The following SRRM4 variants were observed in gnomAD, a reference collection of about 807,000 sequenced individuals.
The protein encoded by SRRM4 is serine/arginine repetitive matrix protein 4.
SRRM4 carries 33 observed loss-of-function variants against 68.9 expected under a neutral mutation model. The observed-to-expected ratio is 0.48, with a 90% confidence interval of 0.36 to 0.64. The LOEUF is 0.64. Among genes scored for constraint, SRRM4 ranks in the 30% least tolerant of loss-of-function variants. The probability of loss-of-function intolerance (pLI) is 0.00; values close to 1 mark genes in which losing one functional copy is unlikely to be tolerated. For missense variants in SRRM4, 817 were observed against 827.1 expected (o/e 0.99, Z 0.15); for synonymous variants, 318 against 318.8 (o/e 1.00, Z 0.03).
At chr12:119,143,563 T>C (rs1221996385) in intron 8 of SRRM4, among the ~76,000 whole-genome samples, 2 of 152,086 alleles carry the variant, frequency 1.3e-5, no homozygotes, top group Non-Finnish European at 2.9e-5. Flanking sequence ...GGCGGGAGAA[T>C]CTGGCCCTGG....
intron 1 of SRRM4, among the ~76,000 whole-genome samples, chr12:119,018,087 A>G (rs1220315905): frequency 6.6e-6 from 1 of 152,240 alleles, no homozygotes; most frequent in Non-Finnish European, 1.5e-5. Context: ...CACTGCCGCC[A>G]TGTGCTATGA....
chr12:119,130,865 CCT>C, intron 8 of SRRM4, 31 bp downstream of exon 8: 1 of 1,588,918 alleles, frequency 6.3e-7, no homozygotes, highest in South Asian at 1.1e-5. Flanking sequence ...CCTCTGCCAG[CCT>C]TGGCCACGAC....
At chr12:119,086,826 C>T (rs1953982334) in intron 1 of SRRM4, among the ~76,000 whole-genome samples, 1 of 152,196 alleles carries the variant, frequency 6.6e-6, no homozygotes, top group Non-Finnish European at 1.5e-5. Context: ...AAAGTCCTTG[C>T]CACCGATTTC....
At chr12:119,060,500 C>T (rs1953804376) in intron 1 of SRRM4, among the ~76,000 whole-genome samples, 1 of 151,340 alleles carries the variant, frequency 6.6e-6, no homozygotes, top group African/African-American at 2.4e-5. Flanking sequence ...CACCCTCATC[C>T]ATTTACCCAA....
intron 1 of SRRM4, among the ~76,000 whole-genome samples, chr12:118,993,124 C>T (rs979646622): frequency 7.2e-5 from 11 of 152,116 alleles, no homozygotes; most frequent in South Asian, 2.1e-4. Context: ...AACTGAGGCT[C>T]GAGGTCTTAT....
At chr12:119,066,761 G>A (rs867327467) in intron 1 of SRRM4, among the ~76,000 whole-genome samples, 18 of 152,178 alleles carry the variant, frequency 1.2e-4, no homozygotes, top group African/African-American at 4.3e-4. Flanking sequence ...GCTGGAGAAC[G>A]AGTTACATAG....
At chr12:119,009,575 T>C (rs1480061495) in intron 1 of SRRM4, among the ~76,000 whole-genome samples, 2 of 152,254 alleles carry the variant, frequency 1.3e-5, no homozygotes, top group Non-Finnish European at 2.9e-5. Flanking sequence ...TTAGTTTTGC[T>C]TCTTGCCAGC....
intron 1 of SRRM4, among the ~76,000 whole-genome samples, chr12:119,020,188 T>C (rs916177979): frequency 5.9e-5 from 9 of 151,840 alleles, no homozygotes; most frequent in African/African-American, 2.2e-4. Context: ...AGTTCTCCCC[T>C]CTCTGACTTA....
At chr12:118,994,605 GA>G (rs1373075139) in intron 1 of SRRM4, among the ~76,000 whole-genome samples, 1 of 152,236 alleles carries the variant, frequency 6.6e-6, no homozygotes, top group Non-Finnish European at 1.5e-5. Flanking sequence ...GCATGCCAAG[GA>G]AGGGGTGTTG....
chr12:119,136,519 G>T (rs1428711951), intron 8 of SRRM4, among the ~76,000 whole-genome samples: 1 of 146,682 alleles, frequency 6.8e-6, no homozygotes, highest in African/African-American at 2.8e-5. Flanking sequence ...ACATAGCATT[G>T]TCAACTTTTA....
chr12:119,092,725 C>T (rs1392965811), intron 1 of SRRM4, among the ~76,000 whole-genome samples: 1 of 152,148 alleles, frequency 6.6e-6, no homozygotes, highest in Non-Finnish European at 1.5e-5. Context: ...TTCCAGATCC[C>T]TGGCCATATA....
intron 7 of SRRM4, among the ~76,000 whole-genome samples, chr12:119,128,888 C>T (rs73410037): frequency 0.037 from 5,572 of 152,330 alleles, 329 homozygotes; most frequent in African/African-American, 0.13. Context: ...GTCCCATCTC[C>T]TCCTGATGGT....
intron 5 of SRRM4, among the ~76,000 whole-genome samples, chr12:119,120,509 G>A (rs1422730906): frequency 7.7e-6 from 1 of 129,728 alleles, no homozygotes; most frequent in African/African-American, 3.1e-5. Flanking sequence ...CCCTATCGAT[G>A]TCTCGACCCC....
chr12:119,082,001 C>G (rs1203778655), intron 1 of SRRM4, among the ~76,000 whole-genome samples: 1 of 152,232 alleles, frequency 6.6e-6, no homozygotes, highest in African/African-American at 2.4e-5. Flanking sequence ...AAAGCCATGA[C>G]AGAGCTTACA....
chr12:119,052,906 T>TGGAG (rs1471485216), intron 1 of SRRM4, among the ~76,000 whole-genome samples: 4 of 152,258 alleles, frequency 2.6e-5, no homozygotes, highest in African/African-American at 9.6e-5. Context: ...ATAAATAAAT[T>TGGAG]GGAGATTGGA....
intron 1 of SRRM4, chr12:119,001,814 C>T (rs1277096582): frequency 1.3e-5 from 2 of 151,898 alleles, no homozygotes; most frequent in Non-Finnish European, 2.9e-5. Context: ...GAAACCTTGC[C>T]TCTATAAAAT....
chr12:119,102,664 C>G (rs749978000), intron 2 of SRRM4, among the ~76,000 whole-genome samples: 3 of 152,184 alleles, frequency 2.0e-5, no homozygotes, highest in Non-Finnish European at 4.4e-5. Context: ...TTTATAAAAG[C>G]AGGAGGCAGG....
intron 1 of SRRM4, among the ~76,000 whole-genome samples, chr12:119,049,026 G>A (rs979835475): frequency 6.6e-6 from 1 of 152,300 alleles, no homozygotes; most frequent in Non-Finnish European, 1.5e-5. Context: ...CACTGTTCTA[G>A]GTGCTAGAGA....
chr12:119,067,704 T>C (rs1472799509), intron 1 of SRRM4, among the ~76,000 whole-genome samples: 2 of 151,922 alleles, frequency 1.3e-5, no homozygotes, highest in African/African-American at 4.8e-5. Flanking sequence ...CGAGATTTCA[T>C]TTCAAAAATA....
Sources: gnomAD v4.1 joint callset for allele counts (sites outside exome capture counted in the v4.1 genomes callset) on GRCh38, gnomAD v4.1.1 for gene constraint, MANE v1.5 for transcripts, NCBI Gene and HGNC (gene_info 2026-07-23, HGNC 2026-07-21) for gene names.